Variants in PCLO observed in about 807,000 individuals in gnomAD.
The protein encoded by PCLO is protein piccolo.
Under a neutral mutation model 427.5 loss-of-function variants are expected in PCLO, and 82 were observed. The observed-to-expected ratio is 0.19, with a 90% CI of 0.16 to 0.23. The LOEUF (loss-of-function observed/expected upper bound fraction) is 0.23, where lower values mean the gene tolerates loss of function less well. Ranked by LOEUF, PCLO falls within the 10% of genes least tolerant of loss-of-function variation. The probability of loss-of-function intolerance (pLI) is 1.00; values close to 1 mark genes in which losing one functional copy is unlikely to be tolerated. For missense variants in PCLO, 6,239 were observed against 6,115.9 expected, an observed-to-expected ratio of 1.02 and a Z score of -0.67; for synonymous variants, 2,357 against 2,155.4, an observed-to-expected ratio of 1.09 and a Z score of -2.59.
chr7:82,825,723 C>T (rs565197210), intron 18 of PCLO, among the ~76,000 whole-genome samples: 1 of 146,572 alleles, frequency 6.8e-6, no homozygotes, highest in East Asian at 2.0e-4. Context: ...ATTGTATACA[C>T]TGTATAGTAT....
At chr7:83,062,746 T>C (rs1789571607) in intron 3 of PCLO, among the ~76,000 whole-genome samples, 1 of 152,094 alleles carries the variant, frequency 6.6e-6, no homozygotes, top group Non-Finnish European at 1.5e-5. Context: ...AAACTTTGTA[T>C]TTCCTTGGCA....
intron 3 of PCLO, among the ~76,000 whole-genome samples, chr7:83,012,800 A>T (rs540068228): frequency 1.3e-5 from 2 of 152,152 alleles, no homozygotes; most frequent in East Asian, 3.9e-4. Context: ...AGGCTACCAG[A>T]TCAAAACCTC....
chr7:82,833,196 T>C (rs1396278867), intron 16 of PCLO, among the ~76,000 whole-genome samples: 1 of 151,852 alleles, frequency 6.6e-6, no homozygotes, highest in Non-Finnish European at 1.5e-5. Flanking sequence ...CCAGAGGAAA[T>C]AGTTTGATAG....
intron 3 of PCLO, among the ~76,000 whole-genome samples, chr7:83,111,026 A>C (rs1790990063): frequency 6.6e-6 from 1 of 152,198 alleles, no homozygotes; most frequent in Non-Finnish European, 1.5e-5. Context: ...GATGTCAAAA[A>C]GAGAACTTCT....
intron 1 of PCLO, among the ~76,000 whole-genome samples, chr7:83,158,747 T>C (rs964719009): frequency 3.3e-5 from 5 of 152,018 alleles, no homozygotes; most frequent in Admixed American, 6.6e-5. Flanking sequence ...ATATAAGTTG[T>C]ACTTTACTAT....
intron 3 of PCLO, among the ~76,000 whole-genome samples, chr7:83,031,529 C>T (rs1788664385): frequency 6.6e-6 from 1 of 152,000 alleles, no homozygotes; most frequent in Non-Finnish European, 1.5e-5. Context: ...TGATAAAATA[C>T]CATGTTACAC....
At position 83,135,642 on chromosome 7, in the gene PCLO, G is replaced by T; in HGVS notation, c.1908C>A (p.Leu636=). Residue 636 remains leucine (L), a synonymous_variant, in exon 3 of 25, where the codon CTC becomes CTA. Transcript: ENST00000333891. ...CTCTTTTCATTTGACAGTTCAAACAGAGCCACTCTTTTACCTACAAATAAT... is the reference window on the plus strand; with the variant it reads ...CTCTTTTCATTTGACAGTTCAAACATAGCCACTCTTTTACCTACAAATAAT... The part of the protein sequence containing the change: ...NPHLTEVKEW[L]CLNCQMKRAL... 1 of 1,596,052 alleles carries T rather than the reference G, an allele frequency of 6.3e-7. No homozygotes were observed. Among genetic ancestry groups the T allele is most frequent in the Non-Finnish European group, 8.5e-7 (1 of 1,170,480 alleles).
At chr7:82,764,610 C>T (rs1315236682) in intron 22 of PCLO, among the ~76,000 whole-genome samples, 1 of 151,824 alleles carries the variant, frequency 6.6e-6, no homozygotes, top group African/African-American at 2.4e-5. Flanking sequence ...GCAAGTATGT[C>T]AGGCATATGG....
intron 3 of PCLO, among the ~76,000 whole-genome samples, chr7:83,131,960 T>C (rs1791585538): frequency 6.6e-6 from 1 of 152,306 alleles, no homozygotes; most frequent in Non-Finnish European, 1.5e-5. Flanking sequence ...TTTATATATG[T>C]ATATGTGTAC....
chr7:82,783,639 C>CA (rs1200103374), intron 22 of PCLO, among the ~76,000 whole-genome samples: 1 of 151,232 alleles, frequency 6.6e-6, no homozygotes, highest in African/African-American at 2.4e-5. Flanking sequence ...ACCAACCAAA[C>CA]AAAAATTGCA....
chr7:82,779,409 T>A, intron 22 of PCLO, among the ~76,000 whole-genome samples: 2 of 152,318 alleles, frequency 1.3e-5, no homozygotes, highest in East Asian at 3.9e-4. Context: ...GTAAACAACA[T>A]GTAGTTAGAT....
intron 10 of PCLO, among the ~76,000 whole-genome samples, chr7:82,854,599 A>G (rs1231050890): frequency 6.6e-6 from 1 of 152,124 alleles, no homozygotes; most frequent in Non-Finnish European, 1.5e-5. Context: ...GTATTTTTAT[A>G]TTGAATATAA....
At chr7:83,121,880 C>G (rs930193455) in intron 3 of PCLO, among the ~76,000 whole-genome samples, 4 of 152,050 alleles carry the variant, frequency 2.6e-5, no homozygotes, top group Non-Finnish European at 5.9e-5. Flanking sequence ...CCTAATATCT[C>G]TGATAAACAT....
intron 3 of PCLO, among the ~76,000 whole-genome samples, chr7:83,092,460 A>C (rs192821452): frequency 6.6e-6 from 1 of 152,280 alleles, no homozygotes; most frequent in African/African-American, 2.4e-5. Flanking sequence ...CATAGAATTT[A>C]TCTACTTTTC....
In PCLO at chr7:83,134,242, T is replaced by TATATATATATATATATATATATATATA. The variant is rs746054139; in HGVS notation, c.3300+7_3300+8insTATATATATATATATATATATATATAT. ...TAATATATATATATATATATATATATAACTTACCTCAGTCAAATGTGGTGT... is the reference window on the plus strand; with the variant it reads ...TAATATATATATATATATATATATATATATATATATATATATATATATATATAAACTTACCTCAGTCAAATGTGGTGT... On this transcript the variant is annotated splice_region_variant and intron_variant, in intron 3 of 24. Coordinates refer to ENST00000333891, the MANE Select transcript of PCLO (RefSeq NM_033026.6). The TATATATATATATATATATATATATATA allele has an allele frequency of 3.7e-6, 4 of 1,069,112 alleles. No individual in the cohort carries two copies. Among genetic ancestry groups the TATATATATATATATATATATATATATA allele is most frequent in the Admixed American group, 6.1e-5 (2 of 32,856 alleles). 66.2% of individuals were successfully genotyped at this position (1,069,112 alleles called of 1,614,324 possible).
At chr7:83,015,914 C>T (rs181718367) in intron 3 of PCLO, among the ~76,000 whole-genome samples, 1 of 152,188 alleles carries the variant, frequency 6.6e-6, no homozygotes, top group Admixed American at 6.6e-5. Context: ...AAAATCTTGT[C>T]CTTAACACAA....
At chr7:82,761,787 G>T (rs1790437706) in intron 22 of PCLO, among the ~76,000 whole-genome samples, 1 of 151,884 alleles carries the variant, frequency 6.6e-6, no homozygotes, top group African/African-American at 2.4e-5. Context: ...GAATCTTATG[G>T]GTAGACTGAT....
intron 10 of PCLO, among the ~76,000 whole-genome samples, chr7:82,859,711 C>T (rs571328560): frequency 1.2e-4 from 18 of 152,212 alleles, no homozygotes; most frequent in Admixed American, 1.3e-4. Flanking sequence ...AACATGACCT[C>T]ACCTAATGAA....
At chr7:82,777,050 C>T (rs1790769728) in intron 22 of PCLO, among the ~76,000 whole-genome samples, 1 of 151,882 alleles carries the variant, frequency 6.6e-6, no homozygotes, top group Non-Finnish European at 1.5e-5. Flanking sequence ...ATAAATTTCC[C>T]CTTAACTCTG....
Sources: gnomAD v4.1 joint callset for allele counts (sites outside exome capture counted in the v4.1 genomes callset) on GRCh38, gnomAD v4.1.1 for gene constraint, MANE v1.5 for transcripts, NCBI Gene and HGNC (gene_info 2026-07-23, HGNC 2026-07-21) for gene names.